GNA14: variants seen among roughly 807,000 people sequenced by gnomAD.
GNA14 encodes the protein guanine nucleotide-binding protein subunit alpha-14.
A neutral mutation model predicts 42.0 loss-of-function variants in GNA14; 50 were observed. The observed-to-expected ratio is 1.19, with a 90% CI of 0.95 to 1.51. The LOEUF is 1.51. GNA14 is among the 40% of genes most tolerant of loss of function. The pLI is 0.00. For synonymous variants in GNA14, 173 were observed against 163.1 expected, an observed-to-expected ratio of 1.06 and a Z score of -0.46; for missense variants, 473 against 446.2, an observed-to-expected ratio of 1.06 and a Z score of -0.54.
chr9:77,499,354 T>C lies in GNA14; in HGVS notation c.309+29715A>G, dbSNP rs148633738. Among the ~76,000 whole-genome samples the C allele has an allele frequency of 6.9e-4, 105 of 151,250 alleles. 1 individual carries two copies. In the East Asian group the frequency reaches 0.015, roughly 22 times the overall value. ...CTGCCACCAGATTCATCACTGTTGG[T>C]AAATCTTTAGTACTTCATAGTTTAC... On this transcript the variant is annotated intron_variant, in intron 2 of 6. Transcript: ENST00000341700.
rs1005797141 is a variant in GNA14 at position 77,432,146 on chromosome 9, C to G, written c.465-697G>C. Reference sequence around the variant, plus strand: ...AACTTTAAGGCCTTTCTAAAAGACACTTTTAGGTAAAATAACTGTAACTCA... The same window carrying G: ...AACTTTAAGGCCTTTCTAAAAGACAGTTTTAGGTAAAATAACTGTAACTCA... On this transcript the variant is annotated intron_variant, in intron 3 of 6. Transcript: ENST00000341700. 2.3e-4 allele frequency among the ~76,000 whole-genome samples: 35 copies of G among 151,612 alleles called. 1 individual carries two copies. Among genetic ancestry groups the G allele is most frequent in the Admixed American group, 2.0e-3 (31 of 15,236 alleles).
intron 2 of GNA14, among the ~76,000 whole-genome samples, chr9:77,484,884 C>A (rs993609302): frequency 6.6e-6 from 1 of 152,130 alleles, no homozygotes; most frequent in African/African-American, 2.4e-5. Flanking sequence ...AAACACTGTA[C>A]GTACCTTACT....
At chr9:77,565,672 GGTCT>G (rs1233080796) in intron 1 of GNA14, among the ~76,000 whole-genome samples, 1 of 152,184 alleles carries the variant, frequency 6.6e-6, no homozygotes, top group Non-Finnish European at 1.5e-5. Flanking sequence ...TGGCCAGGCT[GGTCT>G]CAAACTCCCT....
chr9:77,638,370 C>T (rs1824213360), intron 1 of GNA14, among the ~76,000 whole-genome samples: 1 of 152,144 alleles, frequency 6.6e-6, no homozygotes, highest in Admixed American at 6.5e-5. Context: ...AGTTATAGAA[C>T]CAGGCAACTA....
At chr9:77,535,666 T>C (rs2131773029) in intron 1 of GNA14, among the ~76,000 whole-genome samples, 1 of 152,330 alleles carries the variant, frequency 6.6e-6, no homozygotes, top group East Asian at 1.9e-4. Flanking sequence ...AGGGAGACGA[T>C]GCTCATTAAA....
chr9:77,648,280 G>T lies in GNA14; in HGVS notation c.-487C>A. On this transcript the variant is annotated 5_prime_UTR_variant, in exon 1 of 7. Transcript: ENST00000341700. ...GACCTGGCTGGCCTTTGCCTGGAAA[G>T]TTCTGAAAACCTCAGCAGTGACCGC... is the stretch of plus-strand genomic sequence containing the variant. 5.3e-6 allele frequency: 1 copy of T among 187,244 alleles called. No homozygotes were observed. Among genetic ancestry groups the T allele is most frequent in the Non-Finnish European group, 1.1e-5 (1 of 91,756 alleles). 11.6% of individuals were successfully genotyped at this position (187,244 alleles called of 1,614,324 possible).
intron 1 of GNA14, among the ~76,000 whole-genome samples, chr9:77,569,804 T>C (rs953462037): frequency 3.9e-5 from 6 of 151,984 alleles, no homozygotes. Context: ...TTTCGCTCTT[T>C]CACCCAGGCA....
intron 1 of GNA14, among the ~76,000 whole-genome samples, chr9:77,551,285 A>T (rs1437072324): frequency 6.6e-6 from 1 of 151,998 alleles, no homozygotes; most frequent in Non-Finnish European, 1.5e-5. Context: ...TCAAATTTTG[A>T]ATCTTCAATT....
chr9:77,558,972 G>C (rs930988865), intron 1 of GNA14, among the ~76,000 whole-genome samples: 4 of 151,478 alleles, frequency 2.6e-5, no homozygotes, highest in African/African-American at 9.7e-5. Flanking sequence ...ACCTCCTCCT[G>C]AGAACCTAAG....
At chr9:77,449,435 A>G (rs542259978) in intron 2 of GNA14, among the ~76,000 whole-genome samples, 1 of 152,304 alleles carries the variant, frequency 6.6e-6, no homozygotes, top group East Asian at 1.9e-4. Flanking sequence ...TTTCTTCTTT[A>G]TAACTTCCTT....
At chr9:77,549,247 G>C (rs531990956) in intron 1 of GNA14, among the ~76,000 whole-genome samples, 3 of 152,036 alleles carry the variant, frequency 2.0e-5, no homozygotes, top group Non-Finnish European at 4.4e-5. Flanking sequence ...AAAGTCTTTC[G>C]ATAGGACATG....
At chr9:77,452,072 G>A (rs1324771722) in intron 2 of GNA14, among the ~76,000 whole-genome samples, 2 of 152,118 alleles carry the variant, frequency 1.3e-5, no homozygotes, top group African/African-American at 4.8e-5. Context: ...ACTCCACAGA[G>A]GCTGACTTGA....
rs369185931 is a variant in GNA14 at position 77,585,447 on chromosome 9, TGAA to T, written c.125-56197_125-56195del. On this transcript the variant is annotated intron_variant, in intron 1 of 6. Transcript: ENST00000341700. ...ATGACTCACTATAGTCTCTTATCAA[TGAA>T]GAAGGCACAACTTAAAGCTGCATAA... Among the ~76,000 whole-genome samples the T allele has an allele frequency of 1.4e-4, 21 of 152,334 alleles. No individual in the cohort carries two copies. In the East Asian group the frequency reaches 1.7e-3, roughly 13 times the overall value.
chr9:77,536,526 T>C (rs752167473), intron 1 of GNA14, among the ~76,000 whole-genome samples: 4 of 152,178 alleles, frequency 2.6e-5, no homozygotes, highest in Non-Finnish European at 4.4e-5. Flanking sequence ...AATTTTTGTA[T>C]TTTTAGTAGA....
chr9:77,464,345 G>GTA (rs1564022371), intron 2 of GNA14, among the ~76,000 whole-genome samples: 3 of 120,678 alleles, frequency 2.5e-5, no homozygotes, highest in African/African-American at 1.1e-4. Context: ...GTGTGTGTGT[G>GTA]TGTATATGTG....
At chr9:77,551,675 C>T (rs546696461) in intron 1 of GNA14, among the ~76,000 whole-genome samples, 2 of 152,102 alleles carry the variant, frequency 1.3e-5, no homozygotes, top group South Asian at 2.1e-4. Context: ...GGATTATTCT[C>T]CTACTAGATC....
At chr9:77,522,166 G>A (rs1018825264) in intron 2 of GNA14, among the ~76,000 whole-genome samples, 11 of 152,144 alleles carry the variant, frequency 7.2e-5, no homozygotes, top group African/African-American at 2.7e-4. Context: ...CTTTCAACCT[G>A]TTATTAATAC....
intron 2 of GNA14, among the ~76,000 whole-genome samples, chr9:77,475,905 C>T (rs1750149040): frequency 6.6e-6 from 1 of 152,174 alleles, no homozygotes; most frequent in African/African-American, 2.4e-5. Context: ...GGGATGCAGG[C>T]ATGGTGGGCA....
At chr9:77,478,440 G>A (rs1362979470) in intron 2 of GNA14, among the ~76,000 whole-genome samples, 1 of 152,078 alleles carries the variant, frequency 6.6e-6, no homozygotes, top group Non-Finnish European at 1.5e-5. Context: ...TTGGACATTT[G>A]GGTTGGTTCC....
Sources: gnomAD v4.1 joint callset for allele counts (sites outside exome capture counted in the v4.1 genomes callset) on GRCh38, gnomAD v4.1.1 for gene constraint, MANE v1.5 for transcripts, NCBI Gene and HGNC (gene_info 2026-07-23, HGNC 2026-07-21) for gene names.